ZNF568: variants seen among roughly 807,000 people sequenced by gnomAD.
ZNF568 encodes p53 inhibitor of SCO2 activation.
ZNF568 carries 11 observed loss-of-function variants against 18.1 expected under a neutral mutation model. The observed-to-expected ratio is 0.61, with a 90% confidence interval of 0.38 to 1.00. The LOEUF (loss-of-function observed/expected upper bound fraction) is 1.00, where lower values mean the gene tolerates loss of function less well. Among genes scored for constraint, ZNF568 ranks in the 50% least tolerant of loss-of-function variants. The probability of loss-of-function intolerance (pLI) is 0.01; values close to 1 mark genes in which losing one functional copy is unlikely to be tolerated. For synonymous variants in ZNF568, 213 were observed against 246.6 expected (o/e 0.86, Z 1.28); for missense variants, 639 against 768.2 (o/e 0.83, Z 1.99).
chr19:36,971,956 T>C (rs1337412846), intron 6 of ZNF568, among the ~76,000 whole-genome samples: 1 of 151,386 alleles, frequency 6.6e-6, no homozygotes, highest in Non-Finnish European at 1.5e-5. Flanking sequence ...TCTCTTAGCC[T>C]CCTGAGTAGC....
rs370555311 is a variant in ZNF568, at chr19:36,947,412, G to A, written c.359-2100G>A. On this transcript the variant is annotated intron_variant, in intron 6 of 6. Coordinates refer to ENST00000333987, the MANE Select transcript of ZNF568 (RefSeq NM_198539.4). ...TGTAGGTACATGCCAGCATTCATGA[G>A]GCTAAATAACAGAAAGGGATTGTTG... 6.3e-4 allele frequency among the ~76,000 whole-genome samples: 96 copies of A among 152,186 alleles called. 1 individual carries two copies. In the South Asian group the frequency reaches 0.019, roughly 30 times the overall value.
At chr19:36,958,508 GA>G (rs1443018055) in intron 6 of ZNF568, among the ~76,000 whole-genome samples, 14 of 151,862 alleles carry the variant, frequency 9.2e-5, no homozygotes, top group Admixed American at 2.6e-4. Flanking sequence ...GTCTTTCAAG[GA>G]ATTAGTCTGT....
intron 4 of ZNF568, among the ~76,000 whole-genome samples, chr19:36,935,030 C>T (rs1200634961): frequency 6.6e-6 from 1 of 151,916 alleles, no homozygotes; most frequent in Non-Finnish European, 1.5e-5. Context: ...TCACTATAGC[C>T]TTAACCTCCT....
intron 6 of ZNF568, among the ~76,000 whole-genome samples, chr19:36,945,634 A>G (rs2073950890): frequency 6.6e-6 from 1 of 152,066 alleles, no homozygotes; most frequent in Admixed American, 6.6e-5. Flanking sequence ...AACATTTGCA[A>G]TTATGTGGAG....
At chr19:36,968,104 GAAGA>G (rs2074207370) in intron 6 of ZNF568, among the ~76,000 whole-genome samples, 4 of 152,190 alleles carry the variant, frequency 2.6e-5, no homozygotes, top group Middle Eastern at 3.4e-3. Context: ...ATCCAACACT[GAAGA>G]ATAATATGTA....
chr19:36,937,826 T>G (rs765945358), intron 6 of ZNF568, among the ~76,000 whole-genome samples: 3 of 152,154 alleles, frequency 2.0e-5, no homozygotes, highest in Non-Finnish European at 4.4e-5. Context: ...ATTCCTTTAA[T>G]TTTTTTGAAA....
chr19:36,960,130 T>G (rs2074137005), intron 6 of ZNF568, among the ~76,000 whole-genome samples: 1 of 146,606 alleles, frequency 6.8e-6, no homozygotes, highest in Admixed American at 6.8e-5. Flanking sequence ...TTTTTTTTTT[T>G]TTGAGACAGA....
downstream of ZNF568, chr19:36,997,618 G>C (rs2074491116): frequency 6.5e-7 from 1 of 1,527,596 alleles, no homozygotes; most frequent in Non-Finnish European, 8.8e-7. Flanking sequence ...AATTCATACT[G>C]GTGAGAAACC....
At chr19:36,975,431 T>G (rs982405195) in intron 7 of ZNF568, among the ~76,000 whole-genome samples, 12 of 144,220 alleles carry the variant, frequency 8.3e-5, no homozygotes, top group African/African-American at 3.1e-4. Flanking sequence ...CTGTCGCCAG[T>G]TAGGAGTGCA....
intron 6 of ZNF568, among the ~76,000 whole-genome samples, chr19:36,945,212 TG>T (rs1428021951): frequency 1.8e-4 from 9 of 49,276 alleles, no homozygotes; most frequent in East Asian, 1.8e-3. Flanking sequence ...GAGAGAGAAG[TG>T]TGTGTGTGTG....
At chr19:36,981,527 T>A (rs954383876), downstream of ZNF568, among the ~76,000 whole-genome samples, 30 of 152,202 alleles carry the variant, frequency 2.0e-4, no homozygotes, top group African/African-American at 7.2e-4. Flanking sequence ...ACATCTTTTG[T>A]TAATTTTATT....
chr19:36,996,682 C>T, exon 5 of ZNF568: 4 of 1,535,858 alleles, frequency 2.6e-6, no homozygotes, highest in Non-Finnish European at 3.5e-6. Context: ...CTTGATTAAG[C>T]ATCAGACGCT....
chr19:36,940,878 A>G (rs531433035), intron 6 of ZNF568, among the ~76,000 whole-genome samples: 1 of 152,338 alleles, frequency 6.6e-6, no homozygotes, highest in South Asian at 2.1e-4. Context: ...AAGTAAAATT[A>G]GCGTGTCTGT....
rs1183513274 is a variant in ZNF568, at chr19:36,922,829, A to G, written c.59A>G (p.His20Arg). 6.8e-6 allele frequency: 11 copies of G among 1,613,960 alleles called. No homozygotes were observed. In the African/African-American group the frequency reaches 1.3e-4, roughly 20 times the overall value. ...NSCVTMERLS[H>R]MMERKAWCSQ... ...TGTGTGACAATGGAGCGTTTGAGCC[A>G]CATGATGGAAAGGAAAGGTGAGGTG... The change falls in exon 3 of 7, where the codon CAC (histidine) becomes CGC (arginine). Residue 20 changes from histidine to arginine, a missense_variant. By Grantham distance (29) the His-to-Arg change is conservative. Coordinates refer to ENST00000333987, the MANE Select transcript of ZNF568 (RefSeq NM_198539.4).
intron 6 of ZNF568, among the ~76,000 whole-genome samples, chr19:36,946,478 A>G (rs2073966418): frequency 1.3e-5 from 2 of 152,030 alleles, no homozygotes; most frequent in African/African-American, 4.8e-5. Flanking sequence ...TCTATGTATT[A>G]TTAATTTAAA....
At chr19:36,992,464 T>C (rs767577580) in intron 4 of ZNF568, among the ~76,000 whole-genome samples, 1 of 152,016 alleles carries the variant, frequency 6.6e-6, no homozygotes, top group Non-Finnish European at 1.5e-5. Context: ...ATCGCGCCAC[T>C]GCACTTCAGC....
intron 6 of ZNF568, among the ~76,000 whole-genome samples, chr19:36,958,246 A>G (rs904082129): frequency 2.0e-5 from 3 of 152,028 alleles, no homozygotes; most frequent in Non-Finnish European, 4.4e-5. Flanking sequence ...TTTTCTTGTA[A>G]TATGTTTCTC....
downstream of ZNF568, chr19:36,997,576 G>A: frequency 6.3e-7 from 1 of 1,577,390 alleles, no homozygotes; most frequent in Non-Finnish European, 8.6e-7. Flanking sequence ...GAAGCCCTTT[G>A]GTGGTGGCTC....
At chr19:36,975,653 G>A (rs2074277708) in intron 7 of ZNF568, among the ~76,000 whole-genome samples, 1 of 150,670 alleles carries the variant, frequency 6.6e-6, no homozygotes, top group Admixed American at 6.6e-5. Context: ...CAAAGTGCTG[G>A]CAGCAGGCGT....
Sources: allele counts gnomAD v4.1 joint callset (sites outside exome capture counted in the v4.1 genomes callset), GRCh38; gene constraint gnomAD v4.1.1; transcripts MANE v1.5; gene names NCBI Gene and HGNC (gene_info 2026-07-23, HGNC 2026-07-21).